Variants in MRC1 observed in about 807,000 individuals in gnomAD.
MRC1 encodes macrophage mannose receptor 1.
Under a neutral mutation model 102.9 loss-of-function variants are expected in MRC1, and 62 were observed. The ratio of observed to expected loss-of-function variants is 0.60; its 90% CI spans 0.49 to 0.74. The LOEUF (loss-of-function observed/expected upper bound fraction) is 0.74, where lower values mean the gene tolerates loss of function less well. Among genes scored for constraint, MRC1 ranks in the 30% least tolerant of loss-of-function variants. The pLI, the probability that MRC1 is intolerant of heterozygous loss-of-function variation, is 0.00. For synonymous variants in MRC1, 457 were observed against 298.4 expected, an observed-to-expected ratio of 1.53 and a Z score of -5.48; for missense variants, 1,237 against 862.8, an observed-to-expected ratio of 1.43 and a Z score of -5.43.
At chr10:17,834,340 A>T (rs577766449) in intron 4 of MRC1, among the ~76,000 whole-genome samples, 2,885 of 152,218 alleles carry the variant, frequency 0.019, 112 homozygotes, top group African/African-American at 0.065. Context: ...CCCAGGCTCT[A>T]CCAGTTTTCA....
At chr10:17,872,904 A>AT (rs1833374675) in intron 15 of MRC1, among the ~76,000 whole-genome samples, 1 of 152,236 alleles carries the variant, frequency 6.6e-6, no homozygotes, top group East Asian at 1.9e-4. Flanking sequence ...CTGTTGGGGA[A>AT]TCTTGGCAAC....
At chr10:17,851,377 G>T (rs1838913974) in intron 7 of MRC1, among the ~76,000 whole-genome samples, 1 of 151,578 alleles carries the variant, frequency 6.6e-6, no homozygotes, top group South Asian at 2.1e-4. Flanking sequence ...CAAAAACCTA[G>T]AAATTTTTTT....
At position 17,881,083 on chromosome 10, in the gene MRC1, G is replaced by A; in HGVS notation, c.2882G>A (p.Gly961Glu). ...FYSNKCFKIF[G>E]FMEEERKNWQ... Reference sequence around the variant, plus strand: ...CCATCCCAGTGTTTCAAAATCTTTGGATTTATGGAAGAAGAAAGAAAAAAT... The same window carrying A: ...CCATCCCAGTGTTTCAAAATCTTTGAATTTATGGAAGAAGAAAGAAAAAAT... Residue 961 changes from glycine to glutamate, a missense_variant, in exon 21 of 30, where the codon GGA (glycine) becomes GAA (glutamate). Transcript: ENST00000569591. 1.3e-6 allele frequency: 1 copy of A among 780,436 alleles called. No homozygotes were observed. The highest frequency in any genetic ancestry group is 2.4e-5 in the East Asian group (1 of 41,234). 48.3% of individuals were successfully genotyped at this position (780,436 alleles called of 1,614,324 possible). A position where few individuals can be genotyped will look rare whatever the true frequency, so the allele number is the denominator to read the frequency against.
chr10:17,894,194 C>T lies in MRC1; in HGVS notation c.3148-16C>T. ...ATTCATGATTGTTTTCTTTTTCTTTCTCCATAAATATACAGGCTGACTGTG... is the reference window on the plus strand; with the variant it reads ...ATTCATGATTGTTTTCTTTTTCTTTTTCCATAAATATACAGGCTGACTGTG... On this transcript the variant is annotated splice_polypyrimidine_tract_variant and intron_variant, in intron 22 of 29. Transcript: ENST00000569591. 1.1e-6 allele frequency: 1 copy of T among 870,228 alleles called. No homozygotes were observed. The highest frequency in any genetic ancestry group is 2.4e-5 in the East Asian group (1 of 41,672). The allele number at this position is 870,228 out of a possible 1,614,324, so 53.9% of individuals were successfully genotyped here.
At chr10:17,883,463 T>C (rs1050840979) in intron 21 of MRC1, among the ~76,000 whole-genome samples, 1 of 151,646 alleles carries the variant, frequency 6.6e-6, no homozygotes, top group Non-Finnish European at 1.5e-5. Context: ...TGAAAAACGG[T>C]GGAAGAGTTT....
chr10:17,903,955 C>CAA (rs1314799245), intron 26 of MRC1, among the ~76,000 whole-genome samples: 1 of 147,438 alleles, frequency 6.8e-6, no homozygotes, highest in African/African-American at 2.5e-5. Flanking sequence ...GACTTCATTT[C>CAA]AAAAGAAAAA....
chr10:17,816,487 T>C (rs1342483981), intron 1 of MRC1, among the ~76,000 whole-genome samples: 1 of 152,092 alleles, frequency 6.6e-6, no homozygotes, highest in African/African-American at 2.4e-5. Context: ...TACAAGAGAT[T>C]TAGAGCCGTC....
At chr10:17,835,935 C>T (rs1389068758) in intron 4 of MRC1, among the ~76,000 whole-genome samples, 2 of 152,194 alleles carry the variant, frequency 1.3e-5, no homozygotes, top group East Asian at 3.8e-4. Context: ...TCTGGCAAAA[C>T]ACTGTGTTAG....
At chr10:17,885,130 T>C (rs1833574084) in intron 21 of MRC1, 139 bp from the exon 22 acceptor site, 1 of 702,256 alleles carries the variant, frequency 1.4e-6, no homozygotes, top group African/African-American at 1.8e-5. Flanking sequence ...AATGTTTGTG[T>C]GTTCATGGTA....
At chr10:17,879,668 C>T in intron 18 of MRC1, 53 bp from the exon 19 acceptor site, 1 of 780,738 alleles carries the variant, frequency 1.3e-6, no homozygotes. Flanking sequence ...TGGCCTGTAT[C>T]CAATTAGTCT....
At position 17,910,631 on chromosome 10, in the gene MRC1, G is replaced by A. The variant is rs1833956670; in HGVS notation, c.*166G>A. 1.5e-6 allele frequency: 1 copy of A among 683,720 alleles called. No individual in the cohort carries two copies. The allele number at this position is 683,720 out of a possible 1,614,324, so 42.4% of individuals were successfully genotyped here. On this transcript the variant is annotated 3_prime_UTR_variant, in exon 30 of 30. Coordinates refer to ENST00000569591, the MANE Select transcript of MRC1 (RefSeq NM_002438.4). The stretch of plus-strand genomic sequence containing the variant: ...AAATAATTGCTTGTTTTCTAGCCTG[G>A]CAAGATATTTTCATAAAAGAGGGAT...
At chr10:17,839,691 GT>G (rs1367173037) in intron 4 of MRC1, among the ~76,000 whole-genome samples, 1 of 152,078 alleles carries the variant, frequency 6.6e-6, no homozygotes, top group Non-Finnish European at 1.5e-5. Flanking sequence ...CCAAAGGATA[GT>G]TTTTATTTTA....
At chr10:17,893,735 G>A (rs1451660360) in intron 22 of MRC1, among the ~76,000 whole-genome samples, 3 of 152,158 alleles carry the variant, frequency 2.0e-5, no homozygotes, top group Admixed American at 6.6e-5. Flanking sequence ...AATAAGATGT[G>A]AAACTTTCTG....
intron 6 of MRC1, among the ~76,000 whole-genome samples, chr10:17,848,448 A>T (rs1838859525): frequency 2.6e-5 from 4 of 152,160 alleles, no homozygotes; most frequent in Admixed American, 2.6e-4. Flanking sequence ...AAATGTCTTT[A>T]TTGTCACTTT....
intron 13 of MRC1, 72 bp downstream of exon 13, chr10:17,870,445 TG>T: frequency 1.3e-6 from 1 of 779,080 alleles, no homozygotes. Flanking sequence ...AAAATTTGTC[TG>T]TTTCTGAAAT....
intron 26 of MRC1, 61 bp downstream of exon 26, chr10:17,902,183 C>G: frequency 1.4e-6 from 1 of 727,988 alleles, no homozygotes; most frequent in Non-Finnish European, 2.5e-6. Flanking sequence ...TCCACTGACA[C>G]TATACATGAA....
chr10:17,817,164 C>T (rs976789447), intron 1 of MRC1, among the ~76,000 whole-genome samples: 8 of 149,966 alleles, frequency 5.3e-5, no homozygotes, highest in African/African-American at 7.4e-5. Flanking sequence ...GCACGAGAAT[C>T]GCTTGAACCT....
chr10:17,868,650 C>T (rs1380771270), intron 12 of MRC1, among the ~76,000 whole-genome samples: 6 of 152,200 alleles, frequency 3.9e-5, no homozygotes, highest in Non-Finnish European at 5.9e-5. Context: ...CTTTGAATGG[C>T]ATATGGCCAT....
intron 13 of MRC1, 97 bp downstream of exon 13, chr10:17,870,470 T>TGCTA (rs1453850564): frequency 2.4e-5 from 19 of 776,654 alleles, no homozygotes; most frequent in Non-Finnish European, 4.3e-5. Context: ...TGTCTCAGGA[T>TGCTA]GCTAGTTTGA....
Sources: allele counts gnomAD v4.1 joint callset (sites outside exome capture counted in the v4.1 genomes callset), GRCh38; gene constraint gnomAD v4.1.1; transcripts MANE v1.5; gene names NCBI Gene and HGNC (gene_info 2026-07-23, HGNC 2026-07-21).